The following EPB41L5 variants were observed in gnomAD, a reference collection of about 807,000 sequenced individuals.
EPB41L5 encodes band 4.1-like protein 5.
A neutral mutation model predicts 106.6 loss-of-function variants in EPB41L5; 55 were observed. That is an observed-to-expected ratio of 0.52 (90% CI 0.42 to 0.65). The LOEUF (loss-of-function observed/expected upper bound fraction) is 0.65, where lower values mean the gene tolerates loss of function less well. Among genes scored for constraint, EPB41L5 ranks in the 30% least tolerant of loss-of-function variants. The pLI, the probability that EPB41L5 is intolerant of heterozygous loss-of-function variation, is 0.00. For synonymous variants in EPB41L5, 297 were observed against 306.7 expected, an observed-to-expected ratio of 0.97 and a Z score of 0.33; for missense variants, 871 against 882.1, an observed-to-expected ratio of 0.99 and a Z score of 0.16.
At chr2:120,014,762 A>C (rs1244057903) in intron 1 of EPB41L5, among the ~76,000 whole-genome samples, 2 of 152,144 alleles carry the variant, frequency 1.3e-5, no homozygotes, top group African/African-American at 2.4e-5. Flanking sequence ...GCAAGAGTAC[A>C]AGAGCAGAGC....
intron 20 of EPB41L5, among the ~76,000 whole-genome samples, chr2:120,151,772 A>AT (rs1491445088): frequency 6.6e-6 from 1 of 151,816 alleles, no homozygotes; most frequent in African/African-American, 2.4e-5. Flanking sequence ...ACCTGCCACC[A>AT]TGCCCAGCTA....
At chr2:120,091,749 A>G (rs1683426841) in intron 13 of EPB41L5, 88 bp downstream of exon 13, 1 of 978,284 alleles carries the variant, frequency 1.0e-6, no homozygotes, top group African/African-American at 1.6e-5. Flanking sequence ...AGTTACCTGA[A>G]TCTCCTCCTC....
At chr2:120,079,426 G>A (rs1411510469) in intron 10 of EPB41L5, among the ~76,000 whole-genome samples, 1 of 152,126 alleles carries the variant, frequency 6.6e-6, no homozygotes, top group Non-Finnish European at 1.5e-5. Context: ...ACACTTAACT[G>A]CTGAATGCCA....
chr2:120,165,845 G>C (rs920547481), intron 22 of EPB41L5, among the ~76,000 whole-genome samples: 4 of 151,992 alleles, frequency 2.6e-5, no homozygotes, highest in Admixed American at 6.6e-5. Context: ...GTGCACACCT[G>C]TAGCGCCAGC....
intron 10 of EPB41L5, among the ~76,000 whole-genome samples, chr2:120,084,114 T>A (rs1009973805): frequency 2.0e-5 from 3 of 152,218 alleles, no homozygotes; most frequent in Admixed American, 6.5e-5. Flanking sequence ...AAGGTTAATA[T>A]TGTCATATGT....
intron 2 of EPB41L5, among the ~76,000 whole-genome samples, chr2:120,038,223 A>G (rs962820472): frequency 6.6e-6 from 1 of 152,190 alleles, no homozygotes; most frequent in Non-Finnish European, 1.5e-5. Context: ...GAACTTACAC[A>G]TTTCTCCAAA....
At chr2:120,083,982 G>A (rs1429233084) in intron 10 of EPB41L5, among the ~76,000 whole-genome samples, 9 of 152,072 alleles carry the variant, frequency 5.9e-5, no homozygotes, top group Admixed American at 2.0e-4. Context: ...TTTATTTTGA[G>A]CCTATGTGTG....
intron 3 of EPB41L5, among the ~76,000 whole-genome samples, chr2:120,066,397 A>C (rs1681446735): frequency 6.6e-6 from 1 of 152,230 alleles, no homozygotes; most frequent in Non-Finnish European, 1.5e-5. Context: ...TATAATGTCT[A>C]ATAACCTGCC....
chr2:120,069,218 G>A (rs1011223648), intron 3 of EPB41L5, among the ~76,000 whole-genome samples: 2 of 141,736 alleles, frequency 1.4e-5, no homozygotes, highest in Non-Finnish European at 3.0e-5. Flanking sequence ...AACCAACAAA[G>A]ATCAAAAAAG....
intron 13 of EPB41L5, among the ~76,000 whole-genome samples, chr2:120,092,692 G>A (rs562983006): frequency 1.3e-5 from 2 of 152,136 alleles, no homozygotes; most frequent in Admixed American, 1.3e-4. Flanking sequence ...ATACTCATAA[G>A]TTTTGGTGTG....
At chr2:120,097,537 T>G (rs1258412942) in intron 14 of EPB41L5, among the ~76,000 whole-genome samples, 1 of 152,240 alleles carries the variant, frequency 6.6e-6, no homozygotes, top group Non-Finnish European at 1.5e-5. Context: ...ACTATTCTTG[T>G]GAGTCATGAA....
intron 2 of EPB41L5, among the ~76,000 whole-genome samples, chr2:120,039,950 A>G (rs569496063): frequency 5.8e-4 from 88 of 152,164 alleles, no homozygotes; most frequent in African/African-American, 2.0e-3. Context: ...TAGATCAGGT[A>G]TGTATTCCTC....
At chr2:120,044,633 G>A (rs1679644004) in intron 3 of EPB41L5, among the ~76,000 whole-genome samples, 1 of 152,118 alleles carries the variant, frequency 6.6e-6, no homozygotes, top group Admixed American at 6.6e-5. Context: ...TCATTACTAA[G>A]TTGTATTATT....
intron 16 of EPB41L5, among the ~76,000 whole-genome samples, chr2:120,116,418 A>G (rs1203027887): frequency 1.3e-5 from 2 of 152,344 alleles, no homozygotes; most frequent in African/African-American, 4.8e-5. Context: ...TCTGGTTCTT[A>G]ACCTCAAATT....
At chr2:120,042,598 C>T (rs1342875347) in intron 3 of EPB41L5, among the ~76,000 whole-genome samples, 1 of 152,102 alleles carries the variant, frequency 6.6e-6, no homozygotes, top group Non-Finnish European at 1.5e-5. Flanking sequence ...GAACAGCATA[C>T]ATAATGGAGT....
chr2:120,119,633 C>CTT (rs146253662), intron 16 of EPB41L5, among the ~76,000 whole-genome samples: 29 of 150,984 alleles, frequency 1.9e-4, no homozygotes, highest in African/African-American at 5.8e-4. Flanking sequence ...ATTTCTTTCT[C>CTT]TTTTTTTTTA....
chr2:120,078,402 A>G, intron 9 of EPB41L5, 91 bp from the exon 10 acceptor site: 22 of 698,436 alleles, frequency 3.1e-5, no homozygotes, highest in South Asian at 6.2e-5. Flanking sequence ...AATTAATACA[A>G]TTCAATACAA....
intron 1 of EPB41L5, among the ~76,000 whole-genome samples, chr2:120,017,514 CAT>C (rs1677605016): frequency 6.6e-6 from 1 of 152,192 alleles, no homozygotes; most frequent in Non-Finnish European, 1.5e-5. Flanking sequence ...AAATGAAACA[CAT>C]GAGGATAGCA....
intron 16 of EPB41L5, among the ~76,000 whole-genome samples, chr2:120,124,241 C>T (rs1685359840): frequency 6.6e-6 from 1 of 152,178 alleles, no homozygotes; most frequent in Admixed American, 6.5e-5. Flanking sequence ...CAGCTCCTGC[C>T]CACAAGTACC....
Sources: gnomAD v4.1 joint callset for allele counts (sites outside exome capture counted in the v4.1 genomes callset) on GRCh38, gnomAD v4.1.1 for gene constraint, MANE v1.5 for transcripts, NCBI Gene and HGNC (gene_info 2026-07-23, HGNC 2026-07-21) for gene names.